Variants in CDKN3 observed in about 807,000 individuals in gnomAD.
The protein encoded by CDKN3 is cyclin dependent kinase inhibitor 3.
CDKN3 carries 19 observed loss-of-function variants against 36.1 expected under a neutral mutation model. The ratio of observed to expected loss-of-function variants is 0.53; its 90% CI spans 0.37 to 0.77. The LOEUF (loss-of-function observed/expected upper bound fraction) is 0.77. Among genes scored for constraint, CDKN3 ranks in the 30% least tolerant of loss-of-function variants. CDKN3 has a pLI of 0.00. For synonymous variants in CDKN3, 71 were observed against 85.3 expected (o/e 0.83, Z 0.92); for missense variants, 188 against 248.6 (o/e 0.76, Z 1.64).
At chr14:54,418,403 C>CA (rs533761267) in intron 7 of CDKN3, 54 of 629,634 alleles carry the variant, frequency 8.6e-5, no homozygotes, top group African/African-American at 7.7e-4. Flanking sequence ...GACTATAATA[C>CA]AAAAAATGGA....
intron 4 of CDKN3, 198 bp from the exon 5 acceptor site, chr14:54,411,286 G>T: frequency 1.9e-6 from 1 of 513,058 alleles, no homozygotes. Flanking sequence ...TCAGTAAAAG[G>T]CATTTTGACT....
intron 5 of CDKN3, chr14:54,413,890 TTTC>T (rs1423396748): frequency 4.8e-6 from 6 of 1,252,858 alleles, no homozygotes; most frequent in African/African-American, 1.5e-5. Flanking sequence ...ACAACAGAAA[TTTC>T]TTCTTTCCCA....
At chr14:54,403,188 A>T (rs939766958) in intron 3 of CDKN3, among the ~76,000 whole-genome samples, 11 of 152,244 alleles carry the variant, frequency 7.2e-5, no homozygotes, top group African/African-American at 2.6e-4. Flanking sequence ...ATGAGCATGG[A>T]ATGTTTTTCC....
chr14:54,401,477 A>G, intron 2 of CDKN3, 47 bp from the exon 3 acceptor site: 1 of 1,336,414 alleles, frequency 7.5e-7, no homozygotes, highest in Non-Finnish European at 1.1e-6. Flanking sequence ...TCCATTTATA[A>G]CTTTTTAAAA....
intron 6 of CDKN3, 120 bp from the exon 7 acceptor site, chr14:54,417,728 A>C (rs2030595963): frequency 1.9e-6 from 1 of 534,484 alleles, no homozygotes. Context: ...TCAGTCTTTT[A>C]ATTCATTTGG....
At chr14:54,414,536 T>C (rs964542991) in intron 5 of CDKN3, among the ~76,000 whole-genome samples, 9 of 151,080 alleles carry the variant, frequency 6.0e-5, no homozygotes, top group South Asian at 2.1e-4. Context: ...AAGTGTTCTA[T>C]CTTGATCTTT....
At chr14:54,405,357 T>C (rs1489529749) in intron 3 of CDKN3, among the ~76,000 whole-genome samples, 4 of 152,182 alleles carry the variant, frequency 2.6e-5, no homozygotes, top group Non-Finnish European at 5.9e-5. Context: ...CAATTAGGTC[T>C]GCTTGGTCCA....
rs760687800 is a variant in CDKN3, at chr14:54,411,563, C to A, written c.273C>A (p.Asn91Lys). Residue 91 changes from asparagine (N) to lysine (K), a missense_variant, in exon 5 of 8, where the codon AAC becomes AAA. By Grantham distance (94) the Asn-to-Lys change is moderately conservative. Coordinates refer to ENST00000335183, the MANE Select transcript of CDKN3 (RefSeq NM_005192.4). The stretch of plus-strand genomic sequence containing the variant: ...AACTGTCAAAATATAGAGTCCCAAA[C>A]CTTCTGGATCTCTACCAGCAATGTG... Reference protein sequence around the residue: ...RGELSKYRVPNLLDLYQQCGI... With the variant: ...RGELSKYRVPKLLDLYQQCGI... 6.2e-7 allele frequency: 1 copy of A among 1,614,078 alleles called. No homozygotes were observed. Among genetic ancestry groups the A allele is most frequent in the Non-Finnish European group, 8.5e-7 (1 of 1,179,986 alleles).
At chr14:54,417,666 A>G (rs1410320851) in intron 6 of CDKN3, among the ~76,000 whole-genome samples, 182 bp from the exon 7 acceptor site, 1 of 152,252 alleles carries the variant, frequency 6.6e-6, no homozygotes, top group African/African-American at 2.4e-5. Flanking sequence ...TAATTCAACC[A>G]TACGGTCATT....
rs1886428233 is a variant in CDKN3, at chr14:54,399,961, CAATTCATAT to C, written c.79_87del (p.Ile27_Ile29del). 1 of 1,477,266 alleles carries C rather than the reference CAATTCATAT, an allele frequency of 6.8e-7. No homozygotes were observed. Among genetic ancestry groups the C allele is most frequent in the Admixed American group, 1.7e-5 (1 of 59,742 alleles). 91.5% of individuals were successfully genotyped at this position (1,477,266 alleles called of 1,614,324 possible). A position where few individuals can be genotyped will look rare whatever the true frequency, so the allele number is the denominator to read the frequency against. ...GAGCCTATTGAAGATGAACAGACTC[CAATTCATAT>C]ATCATGGTATGTTAGCATTTCTGAT... On this transcript the variant is annotated inframe_deletion, in exon 2 of 8. Transcript: ENST00000335183.
At chr14:54,407,895 G>A (rs531754319) in intron 3 of CDKN3, among the ~76,000 whole-genome samples, 2 of 152,292 alleles carry the variant, frequency 1.3e-5, no homozygotes, top group South Asian at 2.1e-4. Flanking sequence ...CACTCAGTTG[G>A]AAATGCAGAA....
intron 3 of CDKN3, among the ~76,000 whole-genome samples, chr14:54,402,214 A>G (rs2029975255): frequency 6.6e-6 from 1 of 151,808 alleles, no homozygotes; most frequent in East Asian, 1.9e-4. Context: ...CAAAAAAAAA[A>G]AAAAAAGAAT....
rs533167499 is a variant in CDKN3 at position 54,414,999 on chromosome 14, C to CTACAATACAA, written c.417-885_417-876dup. On this transcript the variant is annotated intron_variant, in intron 5 of 7. Transcript: ENST00000335183. Reference sequence around the variant, plus strand: ...GCAAAATATATATCTACAGCTTTACCTACAATACAATACAATACAATACAG... The same window carrying CTACAATACAA: ...GCAAAATATATATCTACAGCTTTACCTACAATACAATACAATACAATACAATACAATACAG... Among the ~76,000 whole-genome samples the CTACAATACAA allele has an allele frequency of 9.3e-3, 1,417 of 152,084 alleles. 24 individuals carry two copies. The highest frequency in any genetic ancestry group is 0.031 in the African/African-American group (1,297 of 41,416).
intron 5 of CDKN3, 37 bp from the exon 6 acceptor site, chr14:54,415,862 G>C: frequency 6.5e-7 from 1 of 1,533,532 alleles, no homozygotes; most frequent in South Asian, 1.1e-5. Context: ...GGGATGGAAT[G>C]AAATGTACAA....
chr14:54,407,260 TC>T (rs2030192233), intron 3 of CDKN3, among the ~76,000 whole-genome samples: 1 of 152,214 alleles, frequency 6.6e-6, no homozygotes, highest in Non-Finnish European at 1.5e-5. Context: ...GCTGGAGTTC[TC>T]CTGTACGAAG....
chr14:54,410,075 G>C (rs1228270311), intron 4 of CDKN3, among the ~76,000 whole-genome samples: 1 of 152,170 alleles, frequency 6.6e-6, no homozygotes, highest in Non-Finnish European at 1.5e-5. Flanking sequence ...TTGGTTCAAA[G>C]TCAGTCTTGT....
chr14:54,411,475 T>A lies in CDKN3; in HGVS notation c.194-9T>A, dbSNP rs772337972. 9 of 1,605,482 alleles carry A rather than the reference T, an allele frequency of 5.6e-6. No individual in the cohort carries two copies. In the Admixed American group the frequency reaches 1.2e-4, roughly 21 times the overall value. On this transcript the variant is annotated splice_polypyrimidine_tract_variant and intron_variant, in intron 4 of 7. Transcript: ENST00000335183. ...GTGTGTGTGTCTGTGTATCCTGGTC[T>A]ATTGGCAGAAGAACTAAAGAGCTGT...
chr14:54,401,955 A>G (rs776739151), intron 3 of CDKN3, among the ~76,000 whole-genome samples: 62 of 152,308 alleles, frequency 4.1e-4, no homozygotes, highest in Admixed American at 7.2e-4. Context: ...CACACCCGTA[A>G]TCCCAGCACT....
At chr14:54,407,094 C>T (rs945376634) in intron 3 of CDKN3, among the ~76,000 whole-genome samples, 1 of 152,218 alleles carries the variant, frequency 6.6e-6, no homozygotes, top group African/African-American at 2.4e-5. Flanking sequence ...TTGTAACAGT[C>T]AGGCCCCTCT....
Sources: gnomAD v4.1 joint callset for allele counts (sites outside exome capture counted in the v4.1 genomes callset) on GRCh38, gnomAD v4.1.1 for gene constraint, MANE v1.5 for transcripts, NCBI Gene and HGNC (gene_info 2026-07-23, HGNC 2026-07-21) for gene names.